Variants in GALNT13 observed in about 807,000 individuals in gnomAD.
The protein encoded by GALNT13 is polypeptide N-acetylgalactosaminyltransferase 13, also known as UDP-GalNAc:polypeptide N-acetylgalactosaminyltransferase 13.
A neutral mutation model predicts 64.2 loss-of-function variants in GALNT13; 28 were observed. The ratio of observed to expected loss-of-function variants is 0.44; its 90% CI spans 0.32 to 0.60. The LOEUF (loss-of-function observed/expected upper bound fraction) is 0.60, where lower values mean the gene tolerates loss of function less well. Ranked by LOEUF, GALNT13 falls within the 20% of genes least tolerant of loss-of-function variation. The probability of loss-of-function intolerance (pLI) is 0.05; values close to 1 mark genes in which losing one functional copy is unlikely to be tolerated. For synonymous variants in GALNT13, 214 were observed against 224.6 expected (o/e 0.95, Z 0.42); for missense variants, 577 against 669.8 (o/e 0.86, Z 1.53).
intron 3 of GALNT13, among the ~76,000 whole-genome samples, chr2:154,029,188 CA>C (rs10551254): frequency 0.4 from 53,087 of 134,172 alleles, 10,903 homozygotes; most frequent in East Asian, 0.73. Flanking sequence ...TTTTGTAAAT[CA>C]AAAAAAAAAA....
At chr2:153,313,545 G>C in the GALNT13 span, among the ~76,000 whole-genome samples, 107 of 152,176 alleles carry the variant, frequency 7.0e-4, 1 homozygote, top group East Asian at 0.02. Context: ...GGGCCTATCA[G>C]AGGGTGGCGG....
chr2:153,676,374 A>T, the GALNT13 span, among the ~76,000 whole-genome samples: 10 of 152,116 alleles, frequency 6.6e-5, no homozygotes, highest in African/African-American at 1.9e-4. Flanking sequence ...AGTAAGACAA[A>T]GCTAGCCAAC....
chr2:153,613,884 G>A, the GALNT13 span, among the ~76,000 whole-genome samples: 1 of 151,970 alleles, frequency 6.6e-6, no homozygotes, highest in Non-Finnish European at 1.5e-5. Context: ...AGCAGGGAGG[G>A]ATAGCATCAG....
chr2:153,988,652 A>T (rs1694966963), intron 3 of GALNT13, among the ~76,000 whole-genome samples: 1 of 151,992 alleles, frequency 6.6e-6, no homozygotes, highest in African/African-American at 2.4e-5. Context: ...GGTGATTATA[A>T]GTAGCTGATG....
chr2:153,785,062 C>G, the GALNT13 span, among the ~76,000 whole-genome samples: 9 of 152,198 alleles, frequency 5.9e-5, no homozygotes, highest in East Asian at 1.6e-3. Context: ...TTTTTCCAGC[C>G]AGCAGCAGTT....
intron 3 of GALNT13, among the ~76,000 whole-genome samples, chr2:154,054,193 A>G (rs1250292273): frequency 2.0e-5 from 3 of 151,640 alleles, no homozygotes; most frequent in South Asian, 4.2e-4. Context: ...TTCATATAGG[A>G]TTGTTTCATT....
At chr2:154,237,763 G>C (rs954215243) in intron 4 of GALNT13, among the ~76,000 whole-genome samples, 15 of 151,566 alleles carry the variant, frequency 9.9e-5, no homozygotes, top group African/African-American at 3.4e-4. Context: ...GCTTCATCTA[G>C]ATTATGTGTA....
chr2:153,977,522 G>T (rs1463417668), intron 3 of GALNT13, among the ~76,000 whole-genome samples: 1 of 152,066 alleles, frequency 6.6e-6, no homozygotes, highest in Non-Finnish European at 1.5e-5. Context: ...AGAAGAACAG[G>T]ATGGGGGAAA....
intron 9 of GALNT13, among the ~76,000 whole-genome samples, chr2:154,391,797 T>C (rs528650972): frequency 1.3e-5 from 2 of 152,180 alleles, no homozygotes; most frequent in Non-Finnish European, 2.9e-5. Context: ...TCCAAAGTTT[T>C]TGTTGAGAAG....
intron 2 of GALNT13, among the ~76,000 whole-genome samples, chr2:153,914,483 C>A (rs867481057): frequency 4.4e-3 from 514 of 116,914 alleles, no homozygotes; most frequent in East Asian, 7.1e-3. Context: ...GTCTCCGTCT[C>A]AAAAAAAAAA....
chr2:154,031,322 A>C (rs1232752881), intron 3 of GALNT13, among the ~76,000 whole-genome samples: 1 of 152,070 alleles, frequency 6.6e-6, no homozygotes, highest in Non-Finnish European at 1.5e-5. Context: ...TATTTAATCA[A>C]AAAAAGAGAA....
chr2:154,241,198 G>C (rs1056937463), intron 4 of GALNT13, among the ~76,000 whole-genome samples: 3 of 152,100 alleles, frequency 2.0e-5, no homozygotes, highest in Non-Finnish European at 2.9e-5. Flanking sequence ...AGCGGGGGTG[G>C]TTATAGGCAC....
chr2:154,212,366 C>T (rs1223348476), intron 4 of GALNT13, among the ~76,000 whole-genome samples: 2 of 151,864 alleles, frequency 1.3e-5, no homozygotes, highest in African/African-American at 4.8e-5. Flanking sequence ...TACCTCAGCC[C>T]CCGAGTAGCT....
intron 3 of GALNT13, among the ~76,000 whole-genome samples, chr2:153,994,984 T>A (rs538043880): frequency 2.0e-5 from 3 of 152,242 alleles, no homozygotes; most frequent in African/African-American, 4.8e-5. Flanking sequence ...GCAAATAATT[T>A]AAGTGTCTAT....
At chr2:154,430,206 A>G (rs1700649595) in intron 11 of GALNT13, among the ~76,000 whole-genome samples, 1 of 152,212 alleles carries the variant, frequency 6.6e-6, no homozygotes, top group South Asian at 2.1e-4. Context: ...TTCCTGTAAT[A>G]GATCTGGGCA....
intron 3 of GALNT13, among the ~76,000 whole-genome samples, chr2:154,058,177 T>C (rs1699992980): frequency 6.6e-6 from 1 of 152,154 alleles, no homozygotes; most frequent in African/African-American, 2.4e-5. Flanking sequence ...AGAGAGCTCA[T>C]ACTCTCTCTC....
chr2:153,806,371 A>G, the GALNT13 span, among the ~76,000 whole-genome samples: 1 of 152,104 alleles, frequency 6.6e-6, no homozygotes, highest in South Asian at 2.1e-4. Flanking sequence ...CAACAGATCA[A>G]TAAGGGGAAA....
At chr2:154,226,171 A>G (rs889354438) in intron 4 of GALNT13, among the ~76,000 whole-genome samples, 1 of 152,080 alleles carries the variant, frequency 6.6e-6, no homozygotes, top group Admixed American at 6.6e-5. Flanking sequence ...AAAATCTTTT[A>G]TTATGAAGCC....
intron 4 of GALNT13, among the ~76,000 whole-genome samples, chr2:154,225,340 A>T (rs1688561826): frequency 1.3e-5 from 2 of 152,090 alleles, no homozygotes; most frequent in African/African-American, 4.8e-5. Flanking sequence ...TTAAAGTATG[A>T]TAACACGTTC....
Sources: allele counts gnomAD v4.1 joint callset (sites outside exome capture counted in the v4.1 genomes callset), GRCh38; gene constraint gnomAD v4.1.1; transcripts MANE v1.5; gene names NCBI Gene and HGNC (gene_info 2026-07-23, HGNC 2026-07-21).